ATAD2: variants seen among roughly 807,000 people sequenced by gnomAD.
The protein encoded by ATAD2 is ATPase family AAA domain-containing protein 2.
Under a neutral mutation model 168.9 loss-of-function variants are expected in ATAD2, and 62 were observed. That is an observed-to-expected ratio of 0.37 (90% CI 0.30 to 0.45). The LOEUF is 0.45. ATAD2 is among the 20% of genes least tolerant of loss of function. ATAD2 has a pLI of 1.00. For missense variants in ATAD2, 1,419 were observed against 1,667.8 expected (o/e 0.85, Z 2.60); for synonymous variants, 613 against 571.6 (o/e 1.07, Z -1.03).
intron 8 of ATAD2, 129 bp from the exon 9 acceptor site, chr8:123,361,775 T>G (rs890684466): frequency 2.6e-5 from 16 of 615,350 alleles, no homozygotes; most frequent in African/African-American, 2.6e-4. Flanking sequence ...GCTGACCCAC[T>G]GACATAAACT....
intron 13 of ATAD2, among the ~76,000 whole-genome samples, chr8:123,354,794 C>T (rs921975405): frequency 7.0e-5 from 9 of 127,826 alleles, no homozygotes; most frequent in Admixed American, 1.9e-4. Flanking sequence ...GCCAAGATCA[C>T]GCTATTGCAT....
chr8:123,405,894 A>G (rs897978270), intron 1 of ATAD2, among the ~76,000 whole-genome samples: 13 of 152,226 alleles, frequency 8.5e-5, no homozygotes, highest in Admixed American at 7.9e-4. Context: ...CTGTAGAATA[A>G]ATTTCTAGAA....
At chr8:123,368,405 A>T (rs1036502989) in intron 8 of ATAD2, among the ~76,000 whole-genome samples, 46 of 152,288 alleles carry the variant, frequency 3.0e-4, no homozygotes, top group African/African-American at 9.9e-4. Flanking sequence ...GGAACACAGC[A>T]AGACTCTGCT....
At chr8:123,322,788 G>C in intron 27 of ATAD2, 150 bp downstream of exon 27, 1 of 672,374 alleles carries the variant, frequency 1.5e-6, no homozygotes, top group Admixed American at 3.3e-5. Flanking sequence ...TTATGGAATG[G>C]GACATCAACT....
Position 123,325,913 on chromosome 8 carries a change from C to T in ATAD2, c.3982G>A (p.Val1328Met), listed in dbSNP as rs184709203. The change falls in exon 26 of 28, where the codon GTG becomes ATG. Residue 1328 changes from valine to methionine, a missense_variant. By Grantham distance (21) the Val-to-Met change is conservative. Coordinates refer to ENST00000287394, the MANE Select transcript of ATAD2 (RefSeq NM_014109.4). ...CATACTTTTAATCGCTCATGATCCA[C>T]AACAAGTGAGGGTGTAGGCTGAGAA... ...ILSQPTPSLV[V>M]DHERLKNLLK... 2 of 1,614,134 alleles carry T rather than the reference C, an allele frequency of 1.2e-6. No individual in the cohort carries two copies. The highest frequency in any genetic ancestry group is 1.3e-5 in the African/African-American group (1 of 75,052).
At chr8:123,401,667 G>A in intron 1 of ATAD2, 1 of 795,988 alleles carries the variant, frequency 1.3e-6, no homozygotes. Context: ...GCCGATGGTG[G>A]CATCCTGACT....
Position 123,320,585 on chromosome 8 carries a change from A to G in ATAD2, c.*549T>C, listed in dbSNP as rs1362112521. On this transcript the variant is annotated 3_prime_UTR_variant, in exon 28 of 28. Coordinates refer to ENST00000287394, the MANE Select transcript of ATAD2 (RefSeq NM_014109.4). Reference sequence around the variant, plus strand: ...AATGACTGTGATACTCAAGTACAGAATTGTGGTGCAGCCAGAAGTGGTTCA... The same window carrying G: ...AATGACTGTGATACTCAAGTACAGAGTTGTGGTGCAGCCAGAAGTGGTTCA... 1.3e-5 allele frequency: 2 copies of G among 152,412 alleles called. No homozygotes were observed. Among genetic ancestry groups the G allele is most frequent in the East Asian group, 3.8e-4 (2 of 5,204 alleles). 9.4% of individuals were successfully genotyped at this position (152,412 alleles called of 1,614,324 possible).
intron 19 of ATAD2, among the ~76,000 whole-genome samples, chr8:123,341,009 C>G (rs908031223): frequency 6.6e-6 from 1 of 151,186 alleles, no homozygotes; most frequent in Non-Finnish European, 1.5e-5. Flanking sequence ...GTGGTGCAAT[C>G]TCGACTCACT....
At chr8:123,351,731 C>T (rs1025740982) in intron 13 of ATAD2, among the ~76,000 whole-genome samples, 4 of 150,768 alleles carry the variant, frequency 2.7e-5, no homozygotes, top group Non-Finnish European at 4.4e-5. Flanking sequence ...GAATTAAAAA[C>T]ATTATTAAAA....
intron 2 of ATAD2, among the ~76,000 whole-genome samples, chr8:123,379,771 T>C (rs190466406): frequency 6.6e-5 from 10 of 151,832 alleles, no homozygotes; most frequent in African/African-American, 1.9e-4. Flanking sequence ...GGTTTCACCA[T>C]ATTGGCCCGG....
chr8:123,336,607 C>A, intron 21 of ATAD2, 75 bp from the exon 22 acceptor site: 1 of 1,123,542 alleles, frequency 8.9e-7, no homozygotes. Flanking sequence ...CGATGCCAGG[C>A]AATATAGGAG....
At chr8:123,405,488 T>G (rs1182339235) in intron 1 of ATAD2, among the ~76,000 whole-genome samples, 2 of 151,838 alleles carry the variant, frequency 1.3e-5, no homozygotes, top group African/African-American at 4.8e-5. Context: ...AGTCTCCAAC[T>G]CCTGAGCTCA....
intron 8 of ATAD2, 59 bp from the exon 9 acceptor site, chr8:123,361,705 T>G (rs1828831125): frequency 7.2e-7 from 1 of 1,382,094 alleles, no homozygotes; most frequent in South Asian, 1.2e-5. Context: ...AGAAAAGGCA[T>G]AAGAAAAGCA....
At chr8:123,410,568 G>T (rs1187598081) in intron 1 of ATAD2, among the ~76,000 whole-genome samples, 2 of 152,150 alleles carry the variant, frequency 1.3e-5, no homozygotes, top group Non-Finnish European at 2.9e-5. Flanking sequence ...TTACAGGTGT[G>T]AGCCACCATG....
At chr8:123,326,087 A>T (rs776516615) in intron 25 of ATAD2, 61 bp from the exon 26 acceptor site, 9 of 1,540,674 alleles carry the variant, frequency 5.8e-6, no homozygotes, top group Non-Finnish European at 6.2e-6. Flanking sequence ...TCTAAAATAA[A>T]TAATAATATT....
Position 123,371,298 on chromosome 8 carries a change from T to G in ATAD2, c.577A>C (p.Lys193Gln). ...TCTCTCATTCGCTGTCTACGCATCT[T>G]CTTCATGTCATCCATTTTTTGAAGT... is the stretch of plus-strand genomic sequence containing the variant. ...AVLQKMDDMK[K>Q]MRRQRMRELE... is the part of the protein sequence containing the mutation. The change falls in exon 5 of 28, where the codon AAG becomes CAG. Residue 193 changes from lysine (K) to glutamine (Q), a missense_variant. Lys to Gln is a moderately conservative substitution (Grantham distance 53). Transcript: ENST00000287394. 1 of 1,609,434 alleles carries G rather than the reference T, an allele frequency of 6.2e-7. No individual in the cohort carries two copies. The highest frequency in any genetic ancestry group is 8.5e-7 in the Non-Finnish European group (1 of 1,178,234).
rs191270331 is a variant in ATAD2 at position 123,348,569 on chromosome 8, T to C, written c.1807-296A>G. On this transcript the variant is annotated intron_variant, in intron 14 of 27. Coordinates refer to ENST00000287394, the MANE Select transcript of ATAD2 (RefSeq NM_014109.4). ...GCATGTGCCTGTAATCCCAGCTACT[T>C]GGGAGTCTGAGGCACGAGAATTGCT... Among the ~76,000 whole-genome samples, 51 of 152,234 alleles carry C rather than the reference T, an allele frequency of 3.4e-4. 1 individual carries two copies. The highest frequency in any genetic ancestry group is 1.2e-3 in the African/African-American group (48 of 41,558).
chr8:123,414,812 C>G (rs939256480), intron 1 of ATAD2, among the ~76,000 whole-genome samples: 1 of 152,176 alleles, frequency 6.6e-6, no homozygotes, highest in East Asian at 1.9e-4. Context: ...GAGTCTGGGG[C>G]TGGGGCAGAC....
At position 123,357,658 on chromosome 8, in the gene ATAD2, C is replaced by G; in HGVS notation, c.1461G>C (p.Gly487=). The stretch of plus-strand genomic sequence containing the variant: ...TCATGAAAAATGCTACTCTTTTATC[C>G]CCTTGACTGCACTCATTGGCAAGTG... ...ARALANECSQ[G]DKRVAFFMRK... The change falls in exon 12 of 28, where the codon GGG becomes GGC. Residue 487 remains glycine, a synonymous_variant. Coordinates refer to ENST00000287394, the MANE Select transcript of ATAD2 (RefSeq NM_014109.4). The G allele has an allele frequency of 6.2e-7, 1 of 1,614,022 alleles. No homozygotes were observed.
Sources: gnomAD v4.1 joint callset for allele counts (sites outside exome capture counted in the v4.1 genomes callset) on GRCh38, gnomAD v4.1.1 for gene constraint, MANE v1.5 for transcripts, NCBI Gene and HGNC (gene_info 2026-07-23, HGNC 2026-07-21) for gene names.